KCNG2: variants seen among roughly 807,000 people sequenced by gnomAD.
The protein encoded by KCNG2 is potassium voltage-gated channel modifier subfamily G member 2.
KCNG2 carries 7 observed loss-of-function variants against 12.3 expected under a neutral mutation model. The ratio of observed to expected loss-of-function variants is 0.57; its 90% CI spans 0.32 to 1.07. The LOEUF (loss-of-function observed/expected upper bound fraction) is 1.07, where lower values mean the gene tolerates loss of function less well. Among genes scored for constraint, KCNG2 ranks in the 50% least tolerant of loss-of-function variants. The probability of loss-of-function intolerance (pLI) is 0.04; values close to 1 mark genes in which losing one functional copy is unlikely to be tolerated. For synonymous variants in KCNG2, 414 were observed against 351.4 expected, an observed-to-expected ratio of 1.18 and a Z score of -1.99; for missense variants, 703 against 726.0, an observed-to-expected ratio of 0.97 and a Z score of 0.36.
At chr18:79,887,462 C>T (rs1980569974) in intron 3 of KCNG2, among the ~76,000 whole-genome samples, 2 of 152,114 alleles carry the variant, frequency 1.3e-5, no homozygotes, top group South Asian at 2.1e-4. Context: ...GGGTCTTGAG[C>T]TCCGGCCTGA....
chr18:79,841,250 C>T (rs1464124152), intron 1 of KCNG2, among the ~76,000 whole-genome samples: 1 of 152,092 alleles, frequency 6.6e-6, no homozygotes, highest in East Asian at 1.9e-4. Context: ...CATGATCACA[C>T]CATTGCACTG....
At chr18:79,853,268 C>T (rs1312407826) in intron 1 of KCNG2, among the ~76,000 whole-genome samples, 1 of 152,170 alleles carries the variant, frequency 6.6e-6, no homozygotes, top group East Asian at 1.9e-4. Flanking sequence ...AGAAAGAACG[C>T]AGCAAAGTGA....
intron 3 of KCNG2, among the ~76,000 whole-genome samples, chr18:79,882,083 A>G (rs575190180): frequency 6.6e-6 from 1 of 152,330 alleles, no homozygotes; most frequent in Admixed American, 6.5e-5. Flanking sequence ...AACATATAAC[A>G]TTTAAAACTA....
chr18:79,868,492 C>T (rs1239280654), intron 3 of KCNG2, among the ~76,000 whole-genome samples: 2 of 152,268 alleles, frequency 1.3e-5, no homozygotes, highest in East Asian at 1.9e-4. Context: ...AGGTCTTTTT[C>T]GGAAGCGATT....
intron 3 of KCNG2, among the ~76,000 whole-genome samples, chr18:79,898,129 G>A (rs570227820): frequency 6.6e-5 from 10 of 152,276 alleles, no homozygotes; most frequent in Admixed American, 5.2e-4. Context: ...CTCCAATAGC[G>A]TTGAGAGTGC....
At chr18:79,892,963 G>T (rs541034546) in intron 3 of KCNG2, among the ~76,000 whole-genome samples, 3 of 144,042 alleles carry the variant, frequency 2.1e-5, no homozygotes, top group African/African-American at 8.0e-5. Context: ...CTAATGTTAC[G>T]ATTGATATAG....
In KCNG2 at chr18:79,799,471, G is replaced by A. The variant is rs374601464; in HGVS notation, c.-115+1457G>A. 3.9e-5 allele frequency among the ~76,000 whole-genome samples: 6 copies of A among 151,956 alleles called. No individual in the cohort carries two copies. The East Asian group carries it at 5.8e-4, about 15-fold the overall frequency. On this transcript the variant is annotated intron_variant, in intron 1 of 3. Transcript: ENST00000316249. Reference sequence around the variant, plus strand: ...TCTTAGGGAATTTGGGGGGCATTGTGGTACATTCTGGGGATGAGGTCACCT... The same window carrying A: ...TCTTAGGGAATTTGGGGGGCATTGTAGTACATTCTGGGGATGAGGTCACCT...
chr18:79,869,976 G>T (rs1315916536), intron 3 of KCNG2, among the ~76,000 whole-genome samples: 1 of 152,112 alleles, frequency 6.6e-6, no homozygotes, highest in Non-Finnish European at 1.5e-5. Context: ...TGGAGTGGGA[G>T]TTGCCACCCG....
chr18:79,802,568 C>CCT (rs1294852066), intron 1 of KCNG2, among the ~76,000 whole-genome samples: 1 of 152,240 alleles, frequency 6.6e-6, no homozygotes, highest in African/African-American at 2.4e-5. Flanking sequence ...GGCTGGCTCC[C>CCT]CTGCCTTCCT....
chr18:79,826,681 G>A (rs1978286349), intron 1 of KCNG2, among the ~76,000 whole-genome samples: 1 of 148,460 alleles, frequency 6.7e-6, no homozygotes, highest in Admixed American at 6.7e-5. Context: ...AGAACTGAGT[G>A]AGCAGCTCCT....
At chr18:79,828,544 C>T (rs1239139406) in intron 1 of KCNG2, among the ~76,000 whole-genome samples, 1 of 150,132 alleles carries the variant, frequency 6.7e-6, no homozygotes, top group Non-Finnish European at 1.5e-5. Flanking sequence ...TCTGTGTGTG[C>T]ATCTGTGTGT....
At chr18:79,873,432 C>CCG (rs1395538568) in intron 3 of KCNG2, among the ~76,000 whole-genome samples, 4 of 144,948 alleles carry the variant, frequency 2.8e-5, no homozygotes, top group Non-Finnish European at 6.2e-5. Flanking sequence ...CCCCTCCCCC[C>CCG]CCCCCAGCCA....
At chr18:79,887,839 G>A (rs796207012) in intron 3 of KCNG2, among the ~76,000 whole-genome samples, 4 of 152,204 alleles carry the variant, frequency 2.6e-5, no homozygotes, top group Non-Finnish European at 5.9e-5. Flanking sequence ...CTGGAGCCAG[G>A]GATCCACGCA....
chr18:79,854,814 C>T (rs1363342730), intron 1 of KCNG2, among the ~76,000 whole-genome samples: 2 of 152,174 alleles, frequency 1.3e-5, no homozygotes, highest in African/African-American at 4.8e-5. Context: ...TGCCTGGCCT[C>T]ATTGGCTTAT....
chr18:79,801,632 A>G (rs918241781), intron 1 of KCNG2, among the ~76,000 whole-genome samples: 1 of 152,260 alleles, frequency 6.6e-6, no homozygotes, highest in Non-Finnish European at 1.5e-5. Flanking sequence ...AGCACATGAA[A>G]TCAAAGGCTA....
intron 1 of KCNG2, among the ~76,000 whole-genome samples, chr18:79,839,980 A>G (rs371539425): frequency 2.6e-5 from 4 of 152,248 alleles, no homozygotes; most frequent in African/African-American, 9.6e-5. Context: ...TTGACTTGAT[A>G]AAGAGTATCT....
chr18:79,810,078 G>A (rs1448320940), intron 1 of KCNG2, among the ~76,000 whole-genome samples: 1 of 152,228 alleles, frequency 6.6e-6, no homozygotes, highest in Non-Finnish European at 1.5e-5. Flanking sequence ...ATGAAACCTC[G>A]AGGGAGCATC....
At position 79,887,159 on chromosome 18, in the gene KCNG2, G is replaced by T. The variant is rs1393392721; in HGVS notation, c.625-11881G>T. Among the ~76,000 whole-genome samples, 341 of 144,342 alleles carry T rather than the reference G, an allele frequency of 2.4e-3. 2 individuals are homozygous for T. Among genetic ancestry groups the T allele is most frequent in the African/African-American group, 9.5e-3 (327 of 34,246 alleles). The allele number at this position is 144,342 out of a possible 152,430, so 94.7% of individuals were successfully genotyped here. The stretch of plus-strand genomic sequence containing the variant: ...GGACACGGACAGGGACACGGGGACA[G>T]AGGGACAAGGACACAGGGAGGGACA... On this transcript the variant is annotated intron_variant, in intron 3 of 3. Coordinates refer to ENST00000316249, the MANE Select transcript of KCNG2 (RefSeq NM_012283.2).
intron 1 of KCNG2, among the ~76,000 whole-genome samples, chr18:79,837,571 A>G (rs1410669035): frequency 6.6e-6 from 1 of 152,250 alleles, no homozygotes; most frequent in African/African-American, 2.4e-5. Context: ...ACAGATCTCT[A>G]CGGCAGGGGC....
Sources: gnomAD v4.1 joint callset for allele counts (sites outside exome capture counted in the v4.1 genomes callset) on GRCh38, gnomAD v4.1.1 for gene constraint, MANE v1.5 for transcripts, NCBI Gene and HGNC (gene_info 2026-07-23, HGNC 2026-07-21) for gene names.